The following TMEM131 variants were observed in gnomAD, a reference collection of about 807,000 sequenced individuals.
TMEM131 encodes transmembrane protein 131.
Under a neutral mutation model 211.6 loss-of-function variants are expected in TMEM131, and 66 were observed. The observed-to-expected ratio is 0.31, with a 90% confidence interval of 0.26 to 0.38. The LOEUF (loss-of-function observed/expected upper bound fraction) is 0.38. TMEM131 is among the 10% of genes least tolerant of loss of function. The probability of loss-of-function intolerance (pLI) is 1.00; values close to 1 mark genes in which losing one functional copy is unlikely to be tolerated. For missense variants in TMEM131, 2,036 were observed against 2,299.3 expected (o/e 0.89, Z 2.34); for synonymous variants, 844 against 841.3 (o/e 1.00, Z -0.06).
chr2:97,934,330 A>T (rs1163991317), intron 1 of TMEM131, among the ~76,000 whole-genome samples: 1 of 152,194 alleles, frequency 6.6e-6, no homozygotes, highest in African/African-American at 2.4e-5. Context: ...TGCACAGGAC[A>T]TATGTACTGA....
intron 31 of TMEM131, among the ~76,000 whole-genome samples, chr2:97,791,774 T>G (rs1214648541): frequency 6.6e-6 from 1 of 152,126 alleles, no homozygotes; most frequent in Non-Finnish European, 1.5e-5. Flanking sequence ...AATAGGTAAT[T>G]AATACAGTAA....
Position 97,995,809 on chromosome 2 carries a change from G to GGCCTGGGTCCGTGCGTGC in TMEM131, c.-165_-148dup. The GGCCTGGGTCCGTGCGTGC allele has an allele frequency of 2.5e-6, 1 of 394,098 alleles. No homozygotes were observed. The highest frequency in any genetic ancestry group is 3.9e-6 in the Non-Finnish European group (1 of 257,312). The allele number at this position is 394,098 out of a possible 1,614,324, so 24.4% of individuals were successfully genotyped here. On this transcript the variant is annotated 5_prime_UTR_variant, in exon 1 of 41. Coordinates refer to ENST00000186436, the MANE Select transcript of TMEM131 (RefSeq NM_015348.2). ...GCCCGGGGCTCGATCTCCGAGCGTG[G>GGCCTGGGTCCGTGCGTGC]GCCTGGGTCCGTGCGTGCGTGTGAG...
At chr2:97,810,980 T>C (rs1029891646) in intron 18 of TMEM131, 148 bp downstream of exon 18, 3 of 645,934 alleles carry the variant, frequency 4.6e-6, no homozygotes, top group South Asian at 3.8e-5. Flanking sequence ...CAATATTCTA[T>C]AAACTATTCT....
At chr2:97,834,018 C>G (rs1241241876) in intron 10 of TMEM131, among the ~76,000 whole-genome samples, 1 of 152,022 alleles carries the variant, frequency 6.6e-6, no homozygotes, top group African/African-American at 2.4e-5. Context: ...AGCTTTCCAG[C>G]AAAACATAAT....
At chr2:97,976,679 G>A (rs1679549050) in intron 1 of TMEM131, among the ~76,000 whole-genome samples, 1 of 152,126 alleles carries the variant, frequency 6.6e-6, no homozygotes. Flanking sequence ...ATAATGAAAT[G>A]TGAAGGATCT....
intron 3 of TMEM131, among the ~76,000 whole-genome samples, chr2:97,904,813 A>G (rs1019497407): frequency 8.5e-6 from 1 of 117,254 alleles, no homozygotes; most frequent in African/African-American, 3.2e-5. Flanking sequence ...TTTTTTTTTG[A>G]TTTTAATGTT....
At chr2:97,851,798 C>T (rs1022025336) in intron 5 of TMEM131, among the ~76,000 whole-genome samples, 1 of 152,198 alleles carries the variant, frequency 6.6e-6, no homozygotes, top group Non-Finnish European at 1.5e-5. Flanking sequence ...GTTCTCCCAA[C>T]TCCCTTCCTC....
intron 1 of TMEM131, among the ~76,000 whole-genome samples, chr2:97,927,996 C>G (rs1677060888): frequency 6.6e-6 from 1 of 152,142 alleles, no homozygotes; most frequent in Admixed American, 6.5e-5. Context: ...ATCCAAGAAA[C>G]AGCAATGCAA....
At chr2:97,782,963 G>C (rs1297139767) in intron 31 of TMEM131, among the ~76,000 whole-genome samples, 1 of 139,314 alleles carries the variant, frequency 7.2e-6, no homozygotes, top group Admixed American at 7.2e-5. Flanking sequence ...AACCTATATA[G>C]ACTTAAAAAA....
intron 1 of TMEM131, among the ~76,000 whole-genome samples, chr2:97,985,781 G>C (rs547845128): frequency 6.6e-6 from 1 of 152,008 alleles, no homozygotes; most frequent in African/African-American, 2.4e-5. Context: ...TCAATAAGTG[G>C]TGTTAAGGCA....
At chr2:97,759,770 A>G in intron 38 of TMEM131, 21 bp from the exon 39 acceptor site, 1 of 1,583,136 alleles carries the variant, frequency 6.3e-7, no homozygotes, top group Non-Finnish European at 8.6e-7. Context: ...CAAGAGGAAA[A>G]CGCAACACAC....
chr2:97,925,969 G>A (rs1553615285), intron 2 of TMEM131, among the ~76,000 whole-genome samples: 1 of 151,952 alleles, frequency 6.6e-6, no homozygotes, highest in Non-Finnish European at 1.5e-5. Flanking sequence ...AAAATTAGCT[G>A]GGCATGGTGG....
chr2:97,889,196 T>A (rs905763625), intron 3 of TMEM131, among the ~76,000 whole-genome samples: 1 of 152,222 alleles, frequency 6.6e-6, no homozygotes, highest in Admixed American at 6.5e-5. Context: ...TTTAGAACAT[T>A]CTTTTGTGTA....
intron 11 of TMEM131, among the ~76,000 whole-genome samples, chr2:97,819,181 T>C (rs1201002123): frequency 6.6e-6 from 1 of 152,162 alleles, no homozygotes; most frequent in Non-Finnish European, 1.5e-5. Context: ...TTCTGCACAC[T>C]TCATTTCTAA....
chr2:97,925,115 A>AC (rs1258257403), intron 2 of TMEM131, among the ~76,000 whole-genome samples: 5 of 152,182 alleles, frequency 3.3e-5, no homozygotes, highest in Admixed American at 3.3e-4. Context: ...CAAGCGACTG[A>AC]CCCGTCTCAG....
At position 97,793,518 on chromosome 2, in the gene TMEM131, A is replaced by G. The variant is rs1344673720; in HGVS notation, c.3422T>C (p.Leu1141Ser). 6.8e-6 allele frequency: 11 copies of G among 1,613,714 alleles called. No individual in the cohort carries two copies. The Admixed American group carries it at 1.8e-4, about 27-fold the overall frequency. ...TGGCTCCCATATTCCTTGAGCTTCC[A>G]AATAGGCTGTTCCAATGACCAAAAG... Reference protein sequence around the residue: ...LFLLVIGTAYLEAQGIWEPFR... With the variant: ...LFLLVIGTAYSEAQGIWEPFR... The change falls in exon 30 of 41, where the codon TTG (leucine) becomes TCG (serine). Residue 1141 changes from leucine to serine, a missense_variant. Physicochemically the swap from Leu to Ser is moderately radical, Grantham distance 145. Coordinates refer to ENST00000186436, the MANE Select transcript of TMEM131 (RefSeq NM_015348.2).
In TMEM131 at chr2:97,919,990, A is replaced by T. The variant is rs76888136; in HGVS notation, c.249+7436T>A. Reference sequence around the variant, plus strand: ...GCCTCCACCTATGTACTCTGGGATCAACTGTGGCATTTGAGGTAAGGCCAC... The same window carrying T: ...GCCTCCACCTATGTACTCTGGGATCTACTGTGGCATTTGAGGTAAGGCCAC... On this transcript the variant is annotated intron_variant, in intron 2 of 40. Coordinates refer to ENST00000186436, the MANE Select transcript of TMEM131 (RefSeq NM_015348.2). Among the ~76,000 whole-genome samples the T allele has an allele frequency of 6.2e-3, 949 of 152,342 alleles. 7 individuals carry two copies. The highest frequency in any genetic ancestry group is 9.5e-3 in the Non-Finnish European group (648 of 68,026).
Position 97,792,407 on chromosome 2 carries a change from A to G in TMEM131, c.4123T>C (p.Ser1375Pro). The G allele has an allele frequency of 3.8e-6, 6 of 1,582,584 alleles. No homozygotes were observed. The highest frequency in any genetic ancestry group is 5.2e-6 in the Non-Finnish European group (6 of 1,162,626). ...TTACCTTTGCTTTTTGGCAATGGCG[A>G]TGGAGGCTGCTCTGTAAACACTTCT... ...ALEVFTEQPP[S>P]PLPKSKGKGK... The change falls in exon 31 of 41, where the codon TCG becomes CCG. Residue 1375 changes from serine (S) to proline (P), a missense_variant. Physicochemically the swap from Ser to Pro is moderately conservative, Grantham distance 74. This residue lies in a region of TMEM131 where 1,623 missense variants were observed against 1,805.9 expected (regional missense o/e 0.90). Coordinates refer to ENST00000186436, the MANE Select transcript of TMEM131 (RefSeq NM_015348.2).
chr2:97,796,173 T>G, intron 28 of TMEM131, 45 bp downstream of exon 28: 9 of 1,157,710 alleles, frequency 7.8e-6, no homozygotes, highest in Non-Finnish European at 9.6e-6. Flanking sequence ...GCACAGAGTT[T>G]GAGGAAAGTT....
Sources: allele counts gnomAD v4.1 joint callset (sites outside exome capture counted in the v4.1 genomes callset), GRCh38; gene constraint gnomAD v4.1.1; regional missense constraint gnomAD v4.1.1; transcripts MANE v1.5; gene names NCBI Gene and HGNC (gene_info 2026-07-23, HGNC 2026-07-21).